The following ZBTB20 variants were observed in gnomAD, a reference collection of about 807,000 sequenced individuals.
The protein encoded by ZBTB20 is zinc finger and BTB domain-containing protein 20.
In ZBTB20, 9 loss-of-function variants were observed where a neutral mutation model predicts 56.9. The observed-to-expected ratio is 0.16, with a 90% CI of 0.10 to 0.28. ZBTB20 has a LOEUF of 0.28. ZBTB20 is among the 10% of genes least tolerant of loss of function. The probability of loss-of-function intolerance (pLI) is 1.00; values close to 1 mark genes in which losing one functional copy is unlikely to be tolerated. For synonymous variants in ZBTB20, 417 were observed against 420.7 expected (o/e 0.99, Z 0.11); for missense variants, 655 against 1,003.0 (o/e 0.65, Z 4.69).
chr3:115,143,765 T>C (rs2084886614), intron 1 of ZBTB20, among the ~76,000 whole-genome samples: 1 of 152,200 alleles, frequency 6.6e-6, no homozygotes, highest in African/African-American at 2.4e-5. Context: ...AATTACCAAC[T>C]GAAATATATG....
chr3:115,088,189 C>T (rs961153228), intron 1 of ZBTB20, among the ~76,000 whole-genome samples: 13 of 151,782 alleles, frequency 8.6e-5, no homozygotes, highest in Admixed American at 5.9e-4. Flanking sequence ...CTAAAGGGGA[C>T]GTTCTACAAA....
chr3:114,429,739 T>C (rs533322516), intron 7 of ZBTB20, among the ~76,000 whole-genome samples: 6 of 152,084 alleles, frequency 3.9e-5, no homozygotes, highest in African/African-American at 7.2e-5. Context: ...GATACCACAA[T>C]GAAAAATAAC....
intron 6 of ZBTB20, among the ~76,000 whole-genome samples, chr3:114,517,251 T>C (rs1358709610): frequency 1.3e-5 from 2 of 152,352 alleles, no homozygotes; most frequent in African/African-American, 4.8e-5. Flanking sequence ...GAGGATAACA[T>C]TATTGGCAGA....
At chr3:114,409,125 CTTTTTTTTTTTTTTTTTT>C (rs56339103) in intron 7 of ZBTB20, among the ~76,000 whole-genome samples, 3 of 71,988 alleles carry the variant, frequency 4.2e-5, no homozygotes, top group African/African-American at 6.0e-5. Context: ...AAAGGGAAGA[CTTTTTTTTTTTTTTTTTT>C]TTTTTTTTTT....
intron 5 of ZBTB20, among the ~76,000 whole-genome samples, chr3:114,717,811 A>T (rs1578502135): frequency 8.2e-6 from 1 of 121,976 alleles, no homozygotes; most frequent in East Asian, 2.4e-4. Flanking sequence ...TCACATTTTA[A>T]TTTTCATCTG....
At chr3:114,750,126 C>G (rs2067447122) in intron 5 of ZBTB20, among the ~76,000 whole-genome samples, 1 of 152,124 alleles carries the variant, frequency 6.6e-6, no homozygotes, top group Non-Finnish European at 1.5e-5. Context: ...TTAGTGGGTT[C>G]ATAAAATAAG....
chr3:115,015,218 A>C (rs1326042704), intron 2 of ZBTB20, among the ~76,000 whole-genome samples: 4 of 151,920 alleles, frequency 2.6e-5, no homozygotes, highest in Non-Finnish European at 5.9e-5. Flanking sequence ...TAATTAAGCA[A>C]TATAAAATAT....
At chr3:115,007,046 TTTG>T (rs1285393617) in intron 2 of ZBTB20, among the ~76,000 whole-genome samples, 1 of 151,992 alleles carries the variant, frequency 6.6e-6, no homozygotes, top group Non-Finnish European at 1.5e-5. Context: ...AATAGGAGTA[TTTG>T]TTATTTTTCT....
intron 2 of ZBTB20, among the ~76,000 whole-genome samples, chr3:115,019,096 T>C (rs1186887815): frequency 6.6e-6 from 1 of 151,332 alleles, no homozygotes; most frequent in Non-Finnish European, 1.5e-5. Context: ...TCAGTTATAC[T>C]TTACCTACCC....
intron 4 of ZBTB20, among the ~76,000 whole-genome samples, chr3:114,820,507 G>A (rs963632186): frequency 9.2e-5 from 14 of 151,888 alleles, no homozygotes; most frequent in East Asian, 5.8e-4. Flanking sequence ...AAATTTATTC[G>A]TTATATATAT....
chr3:114,800,909 T>C (rs1399254042), intron 5 of ZBTB20, among the ~76,000 whole-genome samples, 192 bp downstream of exon 5: 1 of 151,702 alleles, frequency 6.6e-6, no homozygotes, highest in Non-Finnish European at 1.5e-5. Context: ...ACAATTTAGG[T>C]TGGATAAAAA....
intron 7 of ZBTB20, among the ~76,000 whole-genome samples, chr3:114,398,480 G>A (rs16822593): frequency 0.2 from 30,708 of 152,010 alleles, 3,996 homozygotes; most frequent in African/African-American, 0.36. Flanking sequence ...AACACTACCC[G>A]CCATCACTGC....
At chr3:114,512,988 C>T (rs2045579066) in intron 6 of ZBTB20, among the ~76,000 whole-genome samples, 3 of 152,116 alleles carry the variant, frequency 2.0e-5, no homozygotes, top group Admixed American at 1.3e-4. Context: ...CCTATATTCT[C>T]TTATAAGGAG....
rs2078966178 is a variant in ZBTB20, at chr3:114,323,512, T to G, written c.*15493A>C. On this transcript the variant is annotated 3_prime_UTR_variant, in exon 12 of 12. Coordinates refer to ENST00000675478, the MANE Select transcript of ZBTB20 (RefSeq NM_001348800.3). ...ATTCCAATATGGACAAGGCTATGTG[T>G]TTTTGAAAGGAGCACATCCTACTGC... is the stretch of plus-strand genomic sequence containing the variant. The G allele has an allele frequency of 6.6e-6, 1 of 152,182 alleles. No individual in the cohort carries two copies. The highest frequency in any genetic ancestry group is 2.1e-4 in the South Asian group (1 of 4,824). 9.4% of individuals were successfully genotyped at this position (152,182 alleles called of 1,614,324 possible).
chr3:114,833,077 AAG>A (rs1228152559), intron 4 of ZBTB20, among the ~76,000 whole-genome samples: 1 of 152,178 alleles, frequency 6.6e-6, no homozygotes, highest in Non-Finnish European at 1.5e-5. Context: ...AGAAAAATCA[AAG>A]AAATTAAAAT....
intron 6 of ZBTB20, among the ~76,000 whole-genome samples, chr3:114,645,248 A>G (rs1429281607): frequency 6.6e-6 from 1 of 152,130 alleles, no homozygotes; most frequent in Non-Finnish European, 1.5e-5. Flanking sequence ...TGTGTAAATT[A>G]TATCTATTTA....
chr3:114,524,876 G>A (rs1043897003), intron 6 of ZBTB20, among the ~76,000 whole-genome samples: 4 of 152,106 alleles, frequency 2.6e-5, no homozygotes, highest in Non-Finnish European at 4.4e-5. Flanking sequence ...CACCACACCC[G>A]GCTAATTTTT....
chr3:114,689,371 G>T (rs1339541011), intron 6 of ZBTB20, among the ~76,000 whole-genome samples: 1 of 152,112 alleles, frequency 6.6e-6, no homozygotes, highest in East Asian at 1.9e-4. Context: ...ATCTTGGTTG[G>T]TGGGGGTATC....
intron 1 of ZBTB20, among the ~76,000 whole-genome samples, chr3:115,099,596 C>T (rs1576776076): frequency 2.0e-5 from 3 of 152,166 alleles, no homozygotes; most frequent in African/African-American, 7.2e-5. Context: ...ACCTTATGTC[C>T]AATGGCATTA....
Sources: gnomAD v4.1 joint callset for allele counts (sites outside exome capture counted in the v4.1 genomes callset) on GRCh38, gnomAD v4.1.1 for gene constraint, MANE v1.5 for transcripts, NCBI Gene and HGNC (gene_info 2026-07-23, HGNC 2026-07-21) for gene names.